The following LEPR variants were observed in gnomAD, a reference collection of about 807,000 sequenced individuals.
LEPR encodes the protein leptin receptor.
In LEPR, 56 loss-of-function variants were observed where a neutral mutation model predicts 114.7. That is an observed-to-expected ratio of 0.49 (90% confidence interval 0.39 to 0.61). LEPR has a LOEUF of 0.61. Ranked by LOEUF, LEPR falls within the 20% of genes least tolerant of loss-of-function variation. LEPR has a pLI of 0.00. For missense variants in LEPR, 1,202 were observed against 1,352.9 expected (o/e 0.89, Z 1.75); for synonymous variants, 443 against 461.4 (o/e 0.96, Z 0.51).
At chr1:65,534,836 A>G (rs894073340) in intron 2 of LEPR, among the ~76,000 whole-genome samples, 1 of 152,200 alleles carries the variant, frequency 6.6e-6, no homozygotes, top group Admixed American at 6.5e-5. Flanking sequence ...TGGTATTATA[A>G]TAGGCTTTAA....
chr1:65,582,652 A>G lies in LEPR; in HGVS notation c.495-10005A>G, dbSNP rs539702824. On this transcript the variant is annotated intron_variant, in intron 5 of 19. Transcript: ENST00000349533. ...AGGCTGCCTGTATCAGTGCCCATGC[A>G]CTTTTCCTCTCTTCTTTTATTGTGA... is the stretch of plus-strand genomic sequence containing the variant. 6.8e-4 allele frequency among the ~76,000 whole-genome samples: 104 copies of G among 152,276 alleles called. 1 individual carries two copies. Among genetic ancestry groups the G allele is most frequent in the African/African-American group, 2.5e-3 (102 of 41,566 alleles).
chr1:65,617,687 A>G (rs1657614962), intron 15 of LEPR, among the ~76,000 whole-genome samples: 1 of 152,252 alleles, frequency 6.6e-6, no homozygotes, highest in Non-Finnish European at 1.5e-5. Flanking sequence ...AGGCTTGTGC[A>G]GTATTCCATA....
chr1:65,430,531 T>G (rs184424324), intron 2 of LEPR, among the ~76,000 whole-genome samples: 3 of 152,326 alleles, frequency 2.0e-5, no homozygotes, highest in East Asian at 3.9e-4. Flanking sequence ...ACAAAAACTT[T>G]CTTTTTGTCT....
intron 2 of LEPR, chr1:65,430,103 C>A: frequency 2.1e-6 from 3 of 1,429,636 alleles, no homozygotes; most frequent in East Asian, 2.4e-5. Context: ...ACTTCAGAGG[C>A]CTGTGTCTGG....
At position 65,570,483 on chromosome 1, in the gene LEPR, T is replaced by A. The variant is rs1339217397; in HGVS notation, c.51T>A (p.Tyr17Ter). 6.2e-7 allele frequency: 1 copy of A among 1,613,492 alleles called. No individual in the cohort carries two copies. Among genetic ancestry groups the A allele is most frequent in the South Asian group, 1.1e-5 (1 of 90,970 alleles). ...CVVLLHWEFI[Y>*]VITAFNLSYP... is the part of the protein sequence containing the mutation. ...TTAATATCCTAACAGAATTTATTTA[T>A]GTGATAACTGCGTTTAACTTGTCAT... is the stretch of plus-strand genomic sequence containing the variant. Residue 17 changes from tyrosine (Y) to a stop codon, truncating the protein, a stop_gained, in exon 4 of 20, where the codon TAT becomes TAA. Transcript: ENST00000349533. LOFTEE classifies it high-confidence loss of function.
chr1:65,627,028 C>CATATTCATGTT (rs1553173768), intron 19 of LEPR, among the ~76,000 whole-genome samples: 3 of 152,158 alleles, frequency 2.0e-5, no homozygotes, highest in African/African-American at 7.2e-5. Flanking sequence ...CCCTATGTTT[C>CATATTCATGTT]ATATTCATGT....
intron 2 of LEPR, among the ~76,000 whole-genome samples, chr1:65,548,969 G>A (rs554803209): frequency 2.5e-4 from 38 of 152,228 alleles, no homozygotes; most frequent in African/African-American, 8.9e-4. Flanking sequence ...TCCATGTTTA[G>A]TGCTTCCTTC....
Position 65,608,817 on chromosome 1 carries a change from A to G in LEPR, c.1668A>G (p.Ile556Met), listed in dbSNP as rs1407773255. The change falls in exon 12 of 20, where the codon ATA becomes ATG. Residue 556 changes from isoleucine to methionine, a missense_variant. Transcript: ENST00000349533. ...EITINIGLLKISWEKPVFPEN... is the reference protein window; with the variant it reads ...EITINIGLLKMSWEKPVFPEN... ...CTATAAACATTGGATTATTGAAAAT[A>G]TCTTGGGAAAAGCCAGTCTTTCCAG... The G allele has an allele frequency of 1.9e-6, 3 of 1,613,690 alleles. No individual in the cohort carries two copies. Among genetic ancestry groups the G allele is most frequent in the Non-Finnish European group, 2.5e-6 (3 of 1,179,866 alleles).
At chr1:65,444,837 G>A (rs766085608) in intron 2 of LEPR, among the ~76,000 whole-genome samples, 4 of 152,180 alleles carry the variant, frequency 2.6e-5, no homozygotes, top group Non-Finnish European at 4.4e-5. Flanking sequence ...GTCATTAAGA[G>A]TTTACAAAAC....
At chr1:65,546,692 C>A (rs542710682) in intron 2 of LEPR, among the ~76,000 whole-genome samples, 3 of 152,166 alleles carry the variant, frequency 2.0e-5, no homozygotes, top group African/African-American at 4.8e-5. Context: ...TGCTTATCAG[C>A]TTAAGGAGAT....
At chr1:65,569,707 TAAAAAAAAA>T (rs199787348) in intron 3 of LEPR, among the ~76,000 whole-genome samples, 56 of 92,472 alleles carry the variant, frequency 6.1e-4, no homozygotes, top group East Asian at 4.4e-3. Context: ...AATTCCATCT[TAAAAAAAAA>T]AAAAAAAAAA....
At chr1:65,621,747 T>A (rs950965884) in intron 18 of LEPR, among the ~76,000 whole-genome samples, 6 of 152,296 alleles carry the variant, frequency 3.9e-5, no homozygotes, top group African/African-American at 1.4e-4. Flanking sequence ...GCCAATTTTG[T>A]TCAGGAGCCC....
intron 5 of LEPR, among the ~76,000 whole-genome samples, chr1:65,586,557 G>T (rs1655331313): frequency 6.6e-6 from 1 of 151,584 alleles, no homozygotes; most frequent in Admixed American, 6.6e-5. Flanking sequence ...TATGTAAATT[G>T]AATTAATGTT....
At chr1:65,446,202 G>A (rs984243416) in intron 2 of LEPR, among the ~76,000 whole-genome samples, 1 of 152,162 alleles carries the variant, frequency 6.6e-6, no homozygotes, top group Admixed American at 6.5e-5. Context: ...CAAAGTGGCT[G>A]TACAATTTTG....
chr1:65,581,648 G>A (rs965029998), intron 5 of LEPR, among the ~76,000 whole-genome samples: 2 of 152,064 alleles, frequency 1.3e-5, no homozygotes, highest in African/African-American at 2.4e-5. Flanking sequence ...TTGCTCAGAA[G>A]GCATTTCTTA....
chr1:65,579,574 C>T (rs1285162804), intron 5 of LEPR, among the ~76,000 whole-genome samples: 3 of 152,174 alleles, frequency 2.0e-5, no homozygotes, highest in South Asian at 2.1e-4. Context: ...TAGGCTTTAG[C>T]TCAGAGAAAA....
intron 3 of LEPR, among the ~76,000 whole-genome samples, chr1:65,567,095 G>A (rs1653819469): frequency 6.6e-6 from 1 of 152,298 alleles, no homozygotes; most frequent in South Asian, 2.1e-4. Context: ...CTGGGATATT[G>A]TTACCTGATA....
At chr1:65,539,330 T>G (rs986624871) in intron 2 of LEPR, among the ~76,000 whole-genome samples, 1 of 152,124 alleles carries the variant, frequency 6.6e-6, no homozygotes, top group Non-Finnish European at 1.5e-5. Flanking sequence ...AAAGAAAAAT[T>G]TAACACAATG....
chr1:65,525,119 C>G (rs1481911800), intron 2 of LEPR, among the ~76,000 whole-genome samples: 2 of 152,208 alleles, frequency 1.3e-5, no homozygotes, highest in East Asian at 1.9e-4. Context: ...ATAAGCATGA[C>G]GAAGATGCTG....
Sources: allele counts gnomAD v4.1 joint callset (sites outside exome capture counted in the v4.1 genomes callset), GRCh38; gene constraint gnomAD v4.1.1; transcripts MANE v1.5; gene names NCBI Gene and HGNC (gene_info 2026-07-23, HGNC 2026-07-21).